Variants in AGO2 observed in about 807,000 individuals in gnomAD.
AGO2 encodes protein argonaute-2.
Under a neutral mutation model 102.3 loss-of-function variants are expected in AGO2, and 5 were observed. The ratio of observed to expected loss-of-function variants is 0.05; its 90% CI spans 0.03 to 0.10. The LOEUF (loss-of-function observed/expected upper bound fraction) is 0.10. AGO2 is among the 10% of genes least tolerant of loss of function. AGO2 has a pLI of 1.00. For synonymous variants in AGO2, 449 were observed against 473.1 expected (o/e 0.95, Z 0.66); for missense variants, 541 against 1,183.7 (o/e 0.46, Z 7.97).
At chr8:140,566,963 G>A (rs1035299538) in intron 3 of AGO2, among the ~76,000 whole-genome samples, 1 of 152,192 alleles carries the variant, frequency 6.6e-6, no homozygotes, top group Non-Finnish European at 1.5e-5. Context: ...GCTCACACAC[G>A]CCCCAGCCAG....
chr8:140,541,787 T>A (rs1188170444), intron 14 of AGO2, among the ~76,000 whole-genome samples: 1 of 151,824 alleles, frequency 6.6e-6, no homozygotes, highest in Non-Finnish European at 1.5e-5. Context: ...CCTGTAATCC[T>A]AGCTACTCGG....
At chr8:140,594,801 C>T (rs2073800414) in intron 1 of AGO2, among the ~76,000 whole-genome samples, 1 of 125,492 alleles carries the variant, frequency 8.0e-6, no homozygotes, top group Non-Finnish European at 1.8e-5. Context: ...ACAGTGAGAA[C>T]CCGTCTCGAC....
chr8:140,606,373 T>G (rs1243169518), intron 1 of AGO2, among the ~76,000 whole-genome samples: 3 of 152,176 alleles, frequency 2.0e-5, no homozygotes, highest in Admixed American at 1.3e-4. Flanking sequence ...AAACAGCAAG[T>G]TTAAGTGACA....
intron 2 of AGO2, among the ~76,000 whole-genome samples, chr8:140,578,157 G>T (rs2073496165): frequency 6.6e-6 from 1 of 152,232 alleles, no homozygotes; most frequent in Non-Finnish European, 1.5e-5. Context: ...CTTGTGTAAA[G>T]CAGAGAAACT....
intron 1 of AGO2, 67 bp downstream of exon 1, chr8:140,635,418 C>A: frequency 1.0e-6 from 1 of 974,426 alleles, no homozygotes; most frequent in South Asian, 4.6e-5. Flanking sequence ...CCGCCCGCGC[C>A]GGGCCCGCCA....
chr8:140,640,100 C>T (rs2074432002), upstream of AGO2, among the ~76,000 whole-genome samples: 1 of 152,212 alleles, frequency 6.6e-6, no homozygotes, highest in African/African-American at 2.4e-5. Flanking sequence ...CCTTCGCCTC[C>T]TGGGTTCGAG....
At chr8:140,602,072 C>T (rs371486704) in intron 1 of AGO2, among the ~76,000 whole-genome samples, 39 of 152,218 alleles carry the variant, frequency 2.6e-4, no homozygotes, top group Non-Finnish European at 4.6e-4. Flanking sequence ...AGAACCACTG[C>T]GTTTGCATGT....
In AGO2 at chr8:140,540,066, G is replaced by A. The variant is rs1379788033; in HGVS notation, c.2035-612C>T. On this transcript the variant is annotated intron_variant, in intron 15 of 18. Transcript: ENST00000220592. The surrounding 1 kb of genome is among the most constrained non-coding windows in gnomAD (Gnocchi z 5.0). ...GATCCTGCCACTGCACTCCAGACTG[G>A]AGACAGCGAGAGTCTTTCTCAAAAA... 1.3e-5 allele frequency among the ~76,000 whole-genome samples: 2 copies of A among 152,138 alleles called. No homozygotes were observed. The highest frequency in any genetic ancestry group is 2.9e-5 in the Non-Finnish European group (2 of 68,018).
intron 17 of AGO2, 88 bp downstream of exon 17, chr8:140,535,380 G>T: frequency 7.6e-7 from 1 of 1,309,006 alleles, no homozygotes; most frequent in Non-Finnish European, 1.1e-6. Context: ...CACATCCCAC[G>T]TGCCAGCCAG....
the AGO2 span, among the ~76,000 whole-genome samples, chr8:140,641,193 AG>A: frequency 6.6e-6 from 1 of 151,964 alleles, no homozygotes; most frequent in Non-Finnish European, 1.5e-5. Context: ...CAGGAGGCTA[AG>A]GTAGGAGATC....
intron 1 of AGO2, chr8:140,592,304 C>T (rs1308885040): frequency 1.3e-5 from 2 of 152,258 alleles, no homozygotes; most frequent in Non-Finnish European, 2.9e-5. Flanking sequence ...CCTGACACCT[C>T]TCAGTGGAGA....
chr8:140,635,573 CGAGCCGCGAGG>C lies in AGO2; in HGVS notation c.-78_-68del, dbSNP rs1353329759. The C allele has an allele frequency of 2.1e-6, 2 of 965,850 alleles. No homozygotes were observed. Among genetic ancestry groups the C allele is most frequent in the East Asian group, 1.2e-4 (1 of 8,524 alleles). The allele number at this position is 965,850 out of a possible 1,614,324, so 59.8% of individuals were successfully genotyped here. A position where few individuals can be genotyped will look rare whatever the true frequency, so the allele number is the denominator to read the frequency against. ...GCGCGCGCCACGGGCCCCGACGCCG[CGAGCCGCGAGG>C]GAGCCGCCGGCCGCACGATCCGCCC... On this transcript the variant is annotated 5_prime_UTR_variant, in exon 1 of 19. Transcript: ENST00000220592.
intron 3 of AGO2, among the ~76,000 whole-genome samples, chr8:140,564,879 T>TA (rs1331252803): frequency 6.6e-6 from 1 of 152,232 alleles, no homozygotes; most frequent in Non-Finnish European, 1.5e-5. Context: ...CTCACACCTG[T>TA]AATCCCAGCA....
chr8:140,587,629 A>G (rs1425288571), intron 1 of AGO2, among the ~76,000 whole-genome samples: 1 of 152,248 alleles, frequency 6.6e-6, no homozygotes, highest in Non-Finnish European at 1.5e-5. Flanking sequence ...GATGACAAGA[A>G]GGGCACTGGA....
At chr8:140,550,892 G>C (rs900600844) in intron 11 of AGO2, among the ~76,000 whole-genome samples, 1 of 152,170 alleles carries the variant, frequency 6.6e-6, no homozygotes, top group Admixed American at 6.5e-5. Flanking sequence ...CACTGTGCCC[G>C]ACCCATCTCT....
At position 140,620,827 on chromosome 8, in the gene AGO2, C is replaced by G. The variant is rs541098948; in HGVS notation, c.22+14658G>C. On this transcript the variant is annotated intron_variant, in intron 1 of 18. Transcript: ENST00000220592. Reference sequence around the variant, plus strand: ...CTGAGATTGTGCCACTGCAAGCCAGCTTGGTTGTCAGAGTAAGACCCTGTC... The same window carrying G: ...CTGAGATTGTGCCACTGCAAGCCAGGTTGGTTGTCAGAGTAAGACCCTGTC... Among the ~76,000 whole-genome samples, 34 of 152,186 alleles carry G rather than the reference C, an allele frequency of 2.2e-4. No homozygotes were observed. In the South Asian group the frequency reaches 3.5e-3, roughly 16 times the overall value.
At chr8:140,608,115 C>T (rs529954676) in intron 1 of AGO2, among the ~76,000 whole-genome samples, 1 of 152,328 alleles carries the variant, frequency 6.6e-6, no homozygotes, top group African/African-American at 2.4e-5. Context: ...CTCCTAAACA[C>T]AGAGTGGTGA....
rs545553511 is a variant in AGO2, at chr8:140,544,276, G to A, written c.1776C>T (p.Ile592=). The A allele has an allele frequency of 8.1e-6, 13 of 1,604,034 alleles. No individual in the cohort carries two copies. The highest frequency in any genetic ancestry group is 2.7e-5 in the African/African-American group (2 of 74,254). The change falls in exon 14 of 19, where the codon ATC becomes ATT. Residue 592 remains isoleucine, a synonymous_variant. Transcript: ENST00000220592. The part of the protein sequence containing the change: ...GRPPVFQQPV[I]FLGADVTHPP... ...GGTGAGTGACGTCTGCTCCCAGAAA[G>A]ATGACGGGCTGCTGGAACACCGGCG...
At chr8:140,560,145 A>C (rs935525416) in intron 5 of AGO2, among the ~76,000 whole-genome samples, 2 of 152,196 alleles carry the variant, frequency 1.3e-5, no homozygotes, top group Non-Finnish European at 2.9e-5. Context: ...TCAGCCCCTG[A>C]CCACAGCCTC....
Sources: allele counts gnomAD v4.1 joint callset (sites outside exome capture counted in the v4.1 genomes callset), GRCh38; gene constraint gnomAD v4.1.1; non-coding constraint Gnocchi (gnomAD v3.1); transcripts MANE v1.5; gene names NCBI Gene and HGNC (gene_info 2026-07-23, HGNC 2026-07-21).